The following TRIM22 variants were observed in gnomAD, a reference collection of about 807,000 sequenced individuals.
TRIM22 encodes the protein tripartite motif containing 22.
TRIM22 carries 45 observed loss-of-function variants against 53.6 expected under a neutral mutation model. The ratio of observed to expected loss-of-function variants is 0.84; its 90% CI spans 0.66 to 1.08. The LOEUF (loss-of-function observed/expected upper bound fraction) is 1.08. Ranked by LOEUF, TRIM22 falls within the 50% of genes least tolerant of loss-of-function variation. TRIM22 has a pLI of 0.00. For missense variants in TRIM22, 616 were observed against 590.9 expected (o/e 1.04, Z -0.44); for synonymous variants, 225 against 216.6 (o/e 1.04, Z -0.34).
Position 5,708,402 on chromosome 11 carries a change from C to A in TRIM22, c.874+129C>A, listed in dbSNP as rs370545980. On this transcript the variant is annotated intron_variant, in intron 6 of 7. Transcript: ENST00000379965. ...GCCAGAGAAGGAGGAAAATCCTGTG[C>A]TGTAGATGTGGTCCTGTCTTAGGGG... 319 of 1,017,374 alleles carry A rather than the reference C, an allele frequency of 3.1e-4. 8 individuals are homozygous for A. The South Asian group carries it at 4.2e-3, about 13-fold the overall frequency. 63.0% of individuals were successfully genotyped at this position (1,017,374 alleles called of 1,614,324 possible).
In TRIM22 at chr11:5,709,523, A is replaced by G. The variant is rs957928960; in HGVS notation, c.1372A>G (p.Asn458Asp). ...DYEAGIVSFF[N>D]VTNHGALIYK... ...TGAGGCAGGCATTGTCTCATTTTTC[A>G]ATGTCACAAACCACGGAGCACTCAT... The change falls in exon 8 of 8, where the codon AAT (asparagine) becomes GAT (aspartate). Residue 458 changes from asparagine to aspartate, a missense_variant. Asn to Asp is a conservative substitution (Grantham distance 23). Transcript: ENST00000379965. 5 of 1,613,904 alleles carry G rather than the reference A, an allele frequency of 3.1e-6. No individual in the cohort carries two copies. In the Admixed American group the frequency reaches 8.3e-5, roughly 27 times the overall value.
In TRIM22 at chr11:5,698,125, T is replaced by C. The variant is rs1853299670; in HGVS notation, c.520-190T>C. 3 of 570,714 alleles carry C rather than the reference T, an allele frequency of 5.3e-6. No individual in the cohort carries two copies. In the East Asian group the frequency reaches 9.0e-5, roughly 17 times the overall value. 35.4% of individuals were successfully genotyped at this position (570,714 alleles called of 1,614,324 possible). ...CCTCAATAAAACTGACTTGAGTGTA[T>C]TGCTTTGGGAGGAGCTCAGGTTAAA... On this transcript the variant is annotated intron_variant, in intron 3 of 7. Transcript: ENST00000379965.
At chr11:5,699,230 T>C (rs1474181568) in intron 4 of TRIM22, among the ~76,000 whole-genome samples, 1 of 149,194 alleles carries the variant, frequency 6.7e-6, no homozygotes. Flanking sequence ...ATTTTAAGAG[T>C]GTTGTATGTT....
intron 4 of TRIM22, among the ~76,000 whole-genome samples, chr11:5,704,646 A>G (rs1352202610): frequency 6.6e-6 from 1 of 152,076 alleles, no homozygotes. Context: ...TTTGGTAAAG[A>G]TCTGTTTATT....
Position 5,709,601 on chromosome 11 carries a change from C to A in TRIM22, c.1450C>A (p.Pro484Thr). Residue 484 changes from proline to threonine, a missense_variant, in exon 8 of 8, where the codon CCT (proline) becomes ACT (threonine). Pro to Thr is a conservative substitution (Grantham distance 38, BLOSUM62 -1). Coordinates refer to ENST00000379965, the MANE Select transcript of TRIM22 (RefSeq NM_006074.5). ...FSRPAYPYFN[P>T]WNCLVPMTVC... The stretch of plus-strand genomic sequence containing the variant: ...TCGACCTGCTTATCCGTATTTCAAT[C>A]CTTGGAACTGCCTAGTCCCCATGAC... 6.2e-7 allele frequency: 1 copy of A among 1,611,712 alleles called. No homozygotes were observed. Among genetic ancestry groups the A allele is most frequent in the Non-Finnish European group, 8.5e-7 (1 of 1,180,018 alleles).
intron 1 of TRIM22, among the ~76,000 whole-genome samples, chr11:5,691,681 T>A (rs1024778027): frequency 7.2e-5 from 11 of 152,220 alleles, no homozygotes; most frequent in Non-Finnish European, 1.3e-4. Context: ...CATCATGAGT[T>A]ACCTCAACTC....
At chr11:5,699,243 G>A (rs964498573) in intron 4 of TRIM22, among the ~76,000 whole-genome samples, 2 of 128,956 alleles carry the variant, frequency 1.6e-5, no homozygotes, top group East Asian at 2.0e-4. Flanking sequence ...TGTATGTTGT[G>A]GCCGGGCGCG....
chr11:5,706,037 T>C (rs1169696863), intron 4 of TRIM22, among the ~76,000 whole-genome samples: 1 of 152,192 alleles, frequency 6.6e-6, no homozygotes, highest in African/African-American at 2.4e-5. Context: ...CATCATTAGA[T>C]CCCTAAAGCC....
At chr11:5,698,201 T>C (rs1179339131) in intron 3 of TRIM22, 114 bp from the exon 4 acceptor site, 4 of 825,600 alleles carry the variant, frequency 4.8e-6, no homozygotes, top group Non-Finnish European at 7.9e-6. Context: ...TTTTGCCTCC[T>C]ATTCCTTTTG....
In TRIM22 at chr11:5,710,643, C is replaced by G. The variant is rs750588503; in HGVS notation, c.*995C>G. On this transcript the variant is annotated 3_prime_UTR_variant, in exon 8 of 8. Transcript: ENST00000379965. ...TTAATGTATTTTGGTGTATTTTCCT[C>G]AAATTAATATTGGTGTTCAAGACTA... is the stretch of plus-strand genomic sequence containing the variant. 5.9e-5 allele frequency: 9 copies of G among 152,160 alleles called. No homozygotes were observed. The highest frequency in any genetic ancestry group is 1.0e-4 in the Non-Finnish European group (7 of 68,018). 9.4% of individuals were successfully genotyped at this position (152,160 alleles called of 1,614,324 possible).
In TRIM22 at chr11:5,696,462, T is replaced by C. The variant is rs1187652974; in HGVS notation, c.230T>C (p.Ile77Thr). The C allele has an allele frequency of 1.2e-6, 2 of 1,614,140 alleles. No individual in the cohort carries two copies. Among genetic ancestry groups the C allele is most frequent in the Non-Finnish European group, 1.7e-6 (2 of 1,180,034 alleles). ...NLRPNRHLAN[I>T]VERVKEVKMS... is the part of the protein sequence containing the mutation. Reference sequence around the variant, plus strand: ...CGACCTAATCGGCATCTGGCCAACATAGTTGAGAGAGTCAAAGAGGTCAAG... The same window carrying C: ...CGACCTAATCGGCATCTGGCCAACACAGTTGAGAGAGTCAAAGAGGTCAAG... The change falls in exon 2 of 8, where the codon ATA (isoleucine) becomes ACA (threonine). Residue 77 changes from isoleucine to threonine, a missense_variant. Physicochemically the swap from Ile to Thr is moderately conservative, Grantham distance 89. Coordinates refer to ENST00000379965, the MANE Select transcript of TRIM22 (RefSeq NM_006074.5).
intron 7 of TRIM22, 26 bp downstream of exon 7, chr11:5,708,629 C>T: frequency 6.3e-7 from 1 of 1,599,760 alleles, no homozygotes; most frequent in Non-Finnish European, 8.5e-7. Flanking sequence ...GTTTTCAAAT[C>T]ACTTCCTTTC....
In TRIM22 at chr11:5,709,720, A is replaced by G. The variant is rs1853529128; in HGVS notation, c.*72A>G. On this transcript the variant is annotated 3_prime_UTR_variant, in exon 8 of 8. Transcript: ENST00000379965. Reference sequence around the variant, plus strand: ...AGACTCAGATTCTGCACCTGAGTTCATCTCTACTGAGACCATCTCTTCCTT... The same window carrying G: ...AGACTCAGATTCTGCACCTGAGTTCGTCTCTACTGAGACCATCTCTTCCTT... 6.3e-6 allele frequency: 8 copies of G among 1,279,824 alleles called. No individual in the cohort carries two copies. Among genetic ancestry groups the G allele is most frequent in the Non-Finnish European group, 7.6e-6 (7 of 916,900 alleles). The allele number at this position is 1,279,824 out of a possible 1,614,324, so 79.3% of individuals were successfully genotyped here.
chr11:5,698,498 T>G lies in TRIM22; in HGVS notation c.703T>G (p.Ser235Ala). 6.2e-7 allele frequency: 1 copy of G among 1,614,000 alleles called. No homozygotes were observed. The highest frequency in any genetic ancestry group is 8.5e-7 in the Non-Finnish European group (1 of 1,179,902). The change falls in exon 4 of 8, where the codon TCA (serine) becomes GCA (alanine). Residue 235 changes from serine to alanine, a missense_variant. Physicochemically the swap from Ser to Ala is moderately conservative, Grantham distance 99. Coordinates refer to ENST00000379965, the MANE Select transcript of TRIM22 (RefSeq NM_006074.5). ...GAGGCAGGATGCCAGCACGCTCATC[T>G]CAGATCTCCAGCGGAGGTTGAGGGG... ...QQRQDASTLISDLQRRLRGSS... is the reference protein window; with the variant it reads ...QQRQDASTLIADLQRRLRGSS...
At position 5,696,627 on chromosome 11, in the gene TRIM22, G is replaced by A. The variant is rs1024408042; in HGVS notation, c.395G>A (p.Arg132His). The A allele has an allele frequency of 2.5e-5, 41 of 1,612,058 alleles. No individual in the cohort carries two copies. Among genetic ancestry groups the A allele is most frequent in the Middle Eastern group, 1.6e-4 (1 of 6,082 alleles). The change falls in exon 2 of 8, where the codon CGC becomes CAC. Residue 132 changes from arginine (R) to histidine (H), a missense_variant. Transcript: ENST00000379965. ...SQEHQGHQTFRINEVVKECQE... is the reference protein window; with the variant it reads ...SQEHQGHQTFHINEVVKECQE... ...GAACACCAAGGTCACCAAACATTCCGCATAAACGAGGTGGTCAAGGAATGT... is the reference window on the plus strand; with the variant it reads ...GAACACCAAGGTCACCAAACATTCCACATAAACGAGGTGGTCAAGGAATGT...
At chr11:5,695,891 C>T (rs928672668) in intron 1 of TRIM22, among the ~76,000 whole-genome samples, 5 of 152,106 alleles carry the variant, frequency 3.3e-5, no homozygotes, top group African/African-American at 9.7e-5. Flanking sequence ...TTACACGAAG[C>T]TCTTGGTAGA....
chr11:5,694,085 A>T (rs573245430), intron 1 of TRIM22, among the ~76,000 whole-genome samples: 1 of 152,354 alleles, frequency 6.6e-6, no homozygotes, highest in South Asian at 2.1e-4. Context: ...ATGTTGGATA[A>T]GGGTCTACCC....
intron 1 of TRIM22, among the ~76,000 whole-genome samples, chr11:5,695,376 TTTAA>T (rs1436687138): frequency 7.9e-5 from 12 of 152,198 alleles, no homozygotes; most frequent in African/African-American, 2.9e-4. Flanking sequence ...GATTTGATAG[TTTAA>T]TTGAGGAGGT....
chr11:5,708,113 A>T (rs1186011378), intron 5 of TRIM22, 60 bp from the exon 6 acceptor site: 1 of 1,343,294 alleles, frequency 7.4e-7, no homozygotes, highest in Non-Finnish European at 1.1e-6. Context: ...AGAGACAGTG[A>T]TCTTGGATGG....
Sources: gnomAD v4.1 joint callset for allele counts (sites outside exome capture counted in the v4.1 genomes callset) on GRCh38, gnomAD v4.1.1 for gene constraint, MANE v1.5 for transcripts, NCBI Gene and HGNC (gene_info 2026-07-23, HGNC 2026-07-21) for gene names.